The following DVL3 variants were observed in gnomAD, a reference collection of about 807,000 sequenced individuals.
DVL3 encodes segment polarity protein dishevelled homolog DVL-3.
DVL3 carries 27 observed loss-of-function variants against 67.4 expected under a neutral mutation model. That is an observed-to-expected ratio of 0.40 (90% CI 0.30 to 0.55). The LOEUF (loss-of-function observed/expected upper bound fraction) is 0.55, where lower values mean the gene tolerates loss of function less well. DVL3 is among the 20% of genes least tolerant of loss of function. DVL3 has a pLI of 0.46. For missense variants in DVL3, 819 were observed against 1,021.5 expected (o/e 0.80, Z 2.70); for synonymous variants, 369 against 396.8 (o/e 0.93, Z 0.83).
intron 1 of DVL3, among the ~76,000 whole-genome samples, chr3:184,159,024 C>T (rs1191405381): frequency 6.7e-6 from 1 of 150,136 alleles, no homozygotes; most frequent in Non-Finnish European, 1.5e-5. Context: ...AATCCACCCA[C>T]CTCGGCCTCC....
In DVL3 at chr3:184,167,094, C is replaced by G; in HGVS notation, c.1198+119C>G. The G allele has an allele frequency of 7.7e-7, 1 of 1,291,536 alleles. No homozygotes were observed. The highest frequency in any genetic ancestry group is 2.3e-5 in the East Asian group (1 of 43,084). The allele number at this position is 1,291,536 out of a possible 1,614,324, so 80.0% of individuals were successfully genotyped here. On this transcript the variant is annotated intron_variant, in intron 11 of 14. Transcript: ENST00000313143. This position sits in a 1 kb window ranked among gnomAD's most constrained non-coding sequence, Gnocchi z 4.6. ...AGAGGGCTGGAGATGGGGCTCGGCTCATTCCAGCAACCCCACACTGCAACT... is the reference window on the plus strand; with the variant it reads ...AGAGGGCTGGAGATGGGGCTCGGCTGATTCCAGCAACCCCACACTGCAACT...
In DVL3 at chr3:184,170,757, C is replaced by T; in HGVS notation, c.*2C>T. ...GAGTTCTTTGTGGATGTGATGTGAG[C>T]AGGGCCCCTCCCCCAGCTCCATTCC... On this transcript the variant is annotated 3_prime_UTR_variant, in exon 15 of 15. Coordinates refer to ENST00000313143, the MANE Select transcript of DVL3 (RefSeq NM_004423.4). This position sits in a 1 kb window ranked among gnomAD's most constrained non-coding sequence, Gnocchi z 6.5. 1 of 1,612,940 alleles carries T rather than the reference C, an allele frequency of 6.2e-7. No individual in the cohort carries two copies. Among genetic ancestry groups the T allele is most frequent in the East Asian group, 2.2e-5 (1 of 44,862 alleles).
chr3:184,165,136 G>A lies in DVL3; in HGVS notation c.623G>A (p.Ser208Asn). 5 of 1,613,586 alleles carry A rather than the reference G, an allele frequency of 3.1e-6. No individual in the cohort carries two copies. The highest frequency in any genetic ancestry group is 1.3e-5 in the African/African-American group (1 of 75,030). The change falls in exon 6 of 15, where the codon AGC becomes AAC. Residue 208 changes from serine to asparagine, a missense_variant. Transcript: ENST00000313143. This position sits in a 1 kb window ranked among gnomAD's most constrained non-coding sequence, Gnocchi z 4.1. ...AGGTTCAGCAGCTCCACAGAACAGA[G>A]CAGTGCCTCACGCCTGATGAGAAGA... ...TSRFSSSTEQ[S>N]SASRLMRRHK...
At chr3:184,168,516 G>A (rs1449685331) in intron 13 of DVL3, among the ~76,000 whole-genome samples, 3 of 152,184 alleles carry the variant, frequency 2.0e-5, no homozygotes, top group Non-Finnish European at 4.4e-5. Context: ...GTCATCACCA[G>A]CTCTGGGCAA....
At chr3:184,156,159 G>A (rs1220401810) in intron 1 of DVL3, among the ~76,000 whole-genome samples, 1 of 152,068 alleles carries the variant, frequency 6.6e-6, no homozygotes, top group Non-Finnish European at 1.5e-5. Context: ...CGAGGAGCCA[G>A]AGCCACCTTT....
chr3:184,165,403 G>C lies in DVL3; in HGVS notation c.694-19G>C. On this transcript the variant is annotated intron_variant, in intron 6 of 14. Transcript: ENST00000313143. This position sits in a 1 kb window ranked among gnomAD's most constrained non-coding sequence, Gnocchi z 4.1. The stretch of plus-strand genomic sequence containing the variant: ...TCCTGCCACCTCCACCTGCTGCTCA[G>C]GGCCTCTGTCTATTCCAGTCCTCGT... The C allele has an allele frequency of 6.2e-7, 1 of 1,613,530 alleles. No homozygotes were observed. Among genetic ancestry groups the C allele is most frequent in the Non-Finnish European group, 8.5e-7 (1 of 1,179,592 alleles).
At position 184,166,207 on chromosome 3, in the gene DVL3, T is replaced by C. The variant is rs371458501; in HGVS notation, c.845T>C (p.Met282Thr). 30 of 1,613,468 alleles carry C rather than the reference T, an allele frequency of 1.9e-5. No individual in the cohort carries two copies. Among genetic ancestry groups the C allele is most frequent in the Non-Finnish European group, 2.5e-5 (30 of 1,179,886 alleles). ...GGCGGCATCTACATTGGCTCTATCA[T>C]GAAGGGTGGGGCCGTGGCTGCTGAT... The part of the protein sequence containing the change: ...GDGGIYIGSI[M>T]KGGAVAADGR... The change falls in exon 8 of 15, where the codon ATG (methionine) becomes ACG (threonine). Residue 282 changes from methionine (M) to threonine (T), a missense_variant. Physicochemically the swap from Met to Thr is moderately conservative, Grantham distance 81. Around this residue, in one of 3 missense-constraint regions of DVL3, gnomAD observed 385 missense variants for 486.8 expected, o/e 0.79. Transcript: ENST00000313143. The surrounding 1 kb of genome is among the most constrained non-coding windows in gnomAD (Gnocchi z 6.7).
At position 184,164,565 on chromosome 3, in the gene DVL3, C is replaced by T; in HGVS notation, c.427C>T (p.Arg143Ter). 3 of 1,569,138 alleles carry T rather than the reference C, an allele frequency of 1.9e-6. No homozygotes were observed. The highest frequency in any genetic ancestry group is 2.6e-6 in the Non-Finnish European group (3 of 1,157,594). ...TETDSLVSAQRERPRRRDGPE... is the reference protein window; with the variant it reads ...TETDSLVSAQ ...GACGGACTCTTTGGTGTCTGCCCAGCGAGAGCGGCCACGCCGGAGGGATGG... is the reference window on the plus strand; with the variant it reads ...GACGGACTCTTTGGTGTCTGCCCAGTGAGAGCGGCCACGCCGGAGGGATGG... The change falls in exon 4 of 15, where the codon CGA becomes TGA. Residue 143 changes from arginine (R) to a stop codon, truncating the protein, a stop_gained. Transcript: ENST00000313143. LOFTEE classifies it high-confidence loss of function. The surrounding 1 kb of genome is among the most constrained non-coding windows in gnomAD (Gnocchi z 5.3).
Position 184,170,387 on chromosome 3 carries a change from G to A in DVL3, c.1783G>A (p.Asp595Asn), listed in dbSNP as rs1306773951. ...GAAGGAGAAGGACCCGAAGGCCGGG[G>A]ACTCCAAGTCCGGGGGCAGCGGCAG... ...RRKEKDPKAG[D>N]SKSGGSGSES... Residue 595 changes from aspartate to asparagine, a missense_variant, in exon 15 of 15, where the codon GAC becomes AAC. Physicochemically the swap from Asp to Asn is conservative, Grantham distance 23. Coordinates refer to ENST00000313143, the MANE Select transcript of DVL3 (RefSeq NM_004423.4). This position sits in a 1 kb window ranked among gnomAD's most constrained non-coding sequence, Gnocchi z 6.5. The A allele has an allele frequency of 6.2e-7, 1 of 1,605,288 alleles. No homozygotes were observed. Among genetic ancestry groups the A allele is most frequent in the South Asian group, 1.1e-5 (1 of 89,976 alleles).
Position 184,167,480 on chromosome 3 carries a change from T to C in DVL3, c.1199-100T>C, listed in dbSNP as rs992448338. 4.8e-5 allele frequency: 57 copies of C among 1,176,814 alleles called. No homozygotes were observed. The highest frequency in any genetic ancestry group is 6.8e-5 in the Non-Finnish European group (56 of 826,990). 72.9% of individuals were successfully genotyped at this position (1,176,814 alleles called of 1,614,324 possible). On this transcript the variant is annotated intron_variant, in intron 11 of 14. Coordinates refer to ENST00000313143, the MANE Select transcript of DVL3 (RefSeq NM_004423.4). The surrounding 1 kb of genome is among the most constrained non-coding windows in gnomAD (Gnocchi z 4.6). Reference sequence around the variant, plus strand: ...CAAGAAATCAGTAATTTTCCCAGCATTGATCCCATAATTACTAGATGGTAG... The same window carrying C: ...CAAGAAATCAGTAATTTTCCCAGCACTGATCCCATAATTACTAGATGGTAG...
chr3:184,159,850 C>T (rs531585166), intron 1 of DVL3, among the ~76,000 whole-genome samples: 1 of 152,190 alleles, frequency 6.6e-6, no homozygotes, highest in Non-Finnish European at 1.5e-5. Flanking sequence ...AGAAAACCTA[C>T]AATAGCAAGC....
In DVL3 at chr3:184,155,663, T is replaced by C; in HGVS notation, c.28T>C (p.Leu10=). The C allele has an allele frequency of 3.1e-6, 5 of 1,606,030 alleles. No individual in the cohort carries two copies. Among genetic ancestry groups the C allele is most frequent in the Non-Finnish European group, 4.2e-6 (5 of 1,177,184 alleles). The part of the protein sequence containing the change: MGETKIIYH[L]DGQETPYLVK... ...GGGCGAGACCAAGATCATCTACCAC[T>C]TGGATGGGCAGGAGACGCCGTACCT... The change falls in exon 1 of 15, where the codon TTG becomes CTG. Residue 10 remains leucine (L), a synonymous_variant. Coordinates refer to ENST00000313143, the MANE Select transcript of DVL3 (RefSeq NM_004423.4). This position sits in a 1 kb window ranked among gnomAD's most constrained non-coding sequence, Gnocchi z 5.4.
At position 184,171,131 on chromosome 3, in the gene DVL3, C is replaced by A; in HGVS notation, c.*376C>A. The stretch of plus-strand genomic sequence containing the variant: ...CGCTCACTCCCTCATTCTCTCGTTT[C>A]CCCTTTAGCTCCCTTTCACCATTTA... On this transcript the variant is annotated 3_prime_UTR_variant, in exon 15 of 15. Transcript: ENST00000313143. 1 of 1,189,576 alleles carries A rather than the reference C, an allele frequency of 8.4e-7. No individual in the cohort carries two copies. Among genetic ancestry groups the A allele is most frequent in the Non-Finnish European group, 1.1e-6 (1 of 948,898 alleles). The allele number at this position is 1,189,576 out of a possible 1,614,324, so 73.7% of individuals were successfully genotyped here.
chr3:184,160,041 G>A (rs1363941708), intron 1 of DVL3, among the ~76,000 whole-genome samples: 3 of 151,462 alleles, frequency 2.0e-5, no homozygotes, highest in African/African-American at 4.9e-5. Context: ...CTGGGTTCAC[G>A]CCATTCTCCT....
Position 184,167,989 on chromosome 3 carries a change from T to G in DVL3, c.1422T>G (p.Ala474=). The change falls in exon 13 of 15, where the codon GCT becomes GCG. Residue 474 remains alanine, a synonymous_variant. Coordinates refer to ENST00000313143, the MANE Select transcript of DVL3 (RefSeq NM_004423.4). The surrounding 1 kb of genome is among the most constrained non-coding windows in gnomAD (Gnocchi z 4.6). ...AGTATGCCAGCAACCTGCTGAAAGC[T>G]GGCTTCATCCGCCATACCGTCAACA... ...ARKYASNLLK[A]GFIRHTVNKI... is the part of the protein sequence containing the mutation. 6 of 1,614,270 alleles carry G rather than the reference T, an allele frequency of 3.7e-6. No homozygotes were observed. The highest frequency in any genetic ancestry group is 5.1e-6 in the Non-Finnish European group (6 of 1,180,044).
At position 184,155,926 on chromosome 3, in the gene DVL3, C is replaced by T; in HGVS notation, c.161+130C>T. On this transcript the variant is annotated intron_variant, in intron 1 of 14. Coordinates refer to ENST00000313143, the MANE Select transcript of DVL3 (RefSeq NM_004423.4). This position sits in a 1 kb window ranked among gnomAD's most constrained non-coding sequence, Gnocchi z 5.4. ...GCTCTGACTTCTAGGGGCGACTCGG[C>T]CCATTTGGGCCCCTTTGGTTCCAGC... The T allele has an allele frequency of 8.9e-7, 1 of 1,124,808 alleles. No individual in the cohort carries two copies. Among genetic ancestry groups the T allele is most frequent in the Admixed American group, 2.6e-5 (1 of 38,228 alleles). 69.7% of individuals were successfully genotyped at this position (1,124,808 alleles called of 1,614,324 possible). A position where few individuals can be genotyped will look rare whatever the true frequency, so the allele number is the denominator to read the frequency against.
At chr3:184,169,925 C>A in intron 13 of DVL3, 81 bp from the exon 14 acceptor site, 1 of 1,302,852 alleles carries the variant, frequency 7.7e-7, no homozygotes, top group Non-Finnish European at 1.1e-6. Flanking sequence ...ACCACGGTCT[C>A]TCTCATCCAG....
chr3:184,169,347 C>T lies in DVL3; in HGVS notation c.1499-659C>T, dbSNP rs150108142. ...GGTGGCTGTCTAGTATTTCAGCCTT[C>T]CAAATTCTCCAGTCTTGCACCAGCT... On this transcript the variant is annotated intron_variant, in intron 13 of 14. Transcript: ENST00000313143. 3.5e-3 allele frequency among the ~76,000 whole-genome samples: 533 copies of T among 152,330 alleles called. 2 individuals are homozygous for T. Among genetic ancestry groups the T allele is most frequent in the African/African-American group, 0.012 (485 of 41,592 alleles).
Position 184,167,075 on chromosome 3 carries a change from C to A in DVL3, c.1198+100C>A. On this transcript the variant is annotated intron_variant, in intron 11 of 14. Transcript: ENST00000313143. This position sits in a 1 kb window ranked among gnomAD's most constrained non-coding sequence, Gnocchi z 4.6. The stretch of plus-strand genomic sequence containing the variant: ...ACTCTTGCTTGAGCATCAGAGAGGG[C>A]TGGAGATGGGGCTCGGCTCATTCCA... 6.9e-7 allele frequency: 1 copy of A among 1,448,778 alleles called. No individual in the cohort carries two copies. The highest frequency in any genetic ancestry group is 9.4e-7 in the Non-Finnish European group (1 of 1,062,982). 89.7% of individuals were successfully genotyped at this position (1,448,778 alleles called of 1,614,324 possible). A position where few individuals can be genotyped will look rare whatever the true frequency, so the allele number is the denominator to read the frequency against.
Sources: allele counts gnomAD v4.1 joint callset (sites outside exome capture counted in the v4.1 genomes callset), GRCh38; gene constraint gnomAD v4.1.1; regional missense constraint gnomAD v4.1.1; non-coding constraint Gnocchi (gnomAD v3.1); transcripts MANE v1.5; gene names NCBI Gene and HGNC (gene_info 2026-07-23, HGNC 2026-07-21).